The following IL1RAPL1 variants were observed in gnomAD, a reference collection of about 807,000 sequenced individuals.
IL1RAPL1 encodes interleukin-1 receptor accessory protein-like 1.
A neutral mutation model predicts 48.4 loss-of-function variants in IL1RAPL1; 3 were observed. The ratio of observed to expected loss-of-function variants is 0.06; its 90% CI spans 0.03 to 0.16. The LOEUF is 0.16. IL1RAPL1 is among the 10% of genes least tolerant of loss of function. IL1RAPL1 has a pLI of 1.00. For synonymous variants in IL1RAPL1, 185 were observed against 187.7 expected (o/e 0.99, Z 0.12); for missense variants, 349 against 530.6 (o/e 0.66, Z 3.36).
intron 2 of IL1RAPL1, among the ~76,000 whole-genome samples, chrX:29,247,942 A>G (rs1931544347): frequency 8.9e-6 from 1 of 111,801 alleles, no homozygotes; most frequent in Non-Finnish European, 1.9e-5. Context: ...CATTTTAGAC[A>G]TTTAGTGGAA....
chrX:29,630,542 T>C (rs750547056), intron 5 of IL1RAPL1, among the ~76,000 whole-genome samples: 4 of 48,474 alleles, frequency 8.3e-5, no homozygotes, highest in Admixed American at 4.6e-4. Context: ...TTCTCCAGAC[T>C]TTTTTTTTTT....
chrX:29,925,827 A>G (rs1932885977), intron 8 of IL1RAPL1, among the ~76,000 whole-genome samples: 1 of 112,103 alleles, frequency 8.9e-6, no homozygotes, highest in Admixed American at 9.4e-5. Context: ...GGCATGAGCC[A>G]CTGTGCCCAA....
rs202144853 is a variant in IL1RAPL1, at chrX:29,060,188, TTTA to T, written c.83-222745_83-222743del. On this transcript the variant is annotated intron_variant, in intron 2 of 10. Transcript: ENST00000378993. ...TGAGTAGTTAAGAACCATTGTATAT[TTTA>T]TTATAGCTGTAATGTTTTGAGTTCA... Among the ~76,000 whole-genome samples, 280 of 111,988 alleles carry T rather than the reference TTTA, an allele frequency of 2.5e-3. 1 individual carries two copies. The highest frequency in any genetic ancestry group is 8.0e-3 in the African/African-American group (247 of 30,914).
At chrX:29,080,303 C>T (rs1927772482) in intron 2 of IL1RAPL1, among the ~76,000 whole-genome samples, 1 of 109,347 alleles carries the variant, frequency 9.1e-6, no homozygotes, top group African/African-American at 3.3e-5. Flanking sequence ...CACTTGAGCC[C>T]GGAAGATTGA....
chrX:29,407,498 A>T (rs550416737), intron 5 of IL1RAPL1, among the ~76,000 whole-genome samples: 2 of 112,054 alleles, frequency 1.8e-5, no homozygotes, highest in African/African-American at 6.5e-5. Context: ...ATATTCCATT[A>T]TATGAAAATC....
At chrX:29,372,100 A>G (rs186074547) in intron 3 of IL1RAPL1, among the ~76,000 whole-genome samples, 11 of 112,062 alleles carry the variant, frequency 9.8e-5, no homozygotes, top group African/African-American at 2.3e-4. Context: ...ATTTTTTGGC[A>G]TTTTAATAAC....
intron 2 of IL1RAPL1, among the ~76,000 whole-genome samples, chrX:28,959,314 G>A (rs1428540492): frequency 9.0e-6 from 1 of 111,071 alleles, no homozygotes; most frequent in Admixed American, 9.6e-5. Context: ...ATTTATAATG[G>A]TGCATGTGGC....
rs1399219653 is a variant in IL1RAPL1 at position 29,006,645 on chromosome X, A to ATGTG, written c.82+217221_82+217222insGTGT. 2.1e-3 allele frequency among the ~76,000 whole-genome samples: 167 copies of ATGTG among 80,059 alleles called. 1 individual carries two copies. Among genetic ancestry groups the ATGTG allele is most frequent in the African/African-American group, 7.3e-3 (148 of 20,291 alleles). The allele number at this position is 80,059 out of a possible 115,157, so 69.5% of individuals were successfully genotyped here. A position where few individuals can be genotyped will look rare whatever the true frequency, so the allele number is the denominator to read the frequency against. On this transcript the variant is annotated intron_variant, in intron 2 of 10. Transcript: ENST00000378993. ...TGCCCACATTTGTGTGTGTTTATAT[A>ATGTG]TATGTGTGTGTGTGTGTGTGTGTGT...
rs768498547 is a variant in IL1RAPL1 at position 29,898,457 on chromosome X, C to G, written c.779-19007C>G. On this transcript the variant is annotated intron_variant, in intron 6 of 10. Transcript: ENST00000378993. The stretch of plus-strand genomic sequence containing the variant: ...GAGGAATTCCAACAGTTAGTTAGCA[C>G]CAAGGAGTTAACGATATGAAACATC... Among the ~76,000 whole-genome samples the G allele has an allele frequency of 3.6e-5, 4 of 111,928 alleles. No individual in the cohort carries two copies. The South Asian group carries it at 1.5e-3, about 42-fold the overall frequency.
chrX:29,799,628 A>G (rs1269003183), intron 6 of IL1RAPL1, among the ~76,000 whole-genome samples: 9 of 112,189 alleles, frequency 8.0e-5, no homozygotes, highest in South Asian at 3.7e-4. Flanking sequence ...GAATATTACA[A>G]TTTTACTTCC....
At chrX:28,898,070 C>T (rs902034484) in intron 2 of IL1RAPL1, among the ~76,000 whole-genome samples, 7 of 111,613 alleles carry the variant, frequency 6.3e-5, no homozygotes, top group South Asian at 3.8e-4. Flanking sequence ...ATTTACATTT[C>T]ACTTCTTTTG....
At chrX:29,303,176 G>T (rs1039619357) in intron 3 of IL1RAPL1, among the ~76,000 whole-genome samples, 1 of 111,807 alleles carries the variant, frequency 8.9e-6, no homozygotes, top group Non-Finnish European at 1.9e-5. Flanking sequence ...CCTTCATACG[G>T]TAGACGTTTG....
chrX:29,498,575 G>T (rs1289673646), intron 5 of IL1RAPL1, among the ~76,000 whole-genome samples: 25 of 106,437 alleles, frequency 2.3e-4, no homozygotes, highest in African/African-American at 7.1e-4. Context: ...TTAAATTGTG[G>T]TTTTTTCTTT....
At chrX:28,853,493 G>GCGCA (rs1210583677) in intron 2 of IL1RAPL1, among the ~76,000 whole-genome samples, 188 of 107,090 alleles carry the variant, frequency 1.8e-3, no homozygotes, top group East Asian at 4.2e-3. Flanking sequence ...GTGTGCGCGC[G>GCGCA]CACACACACA....
At chrX:29,233,458 C>CT (rs1931236854) in intron 2 of IL1RAPL1, among the ~76,000 whole-genome samples, 1 of 111,689 alleles carries the variant, frequency 9.0e-6, no homozygotes, top group East Asian at 2.8e-4. Flanking sequence ...TTTAATCTTT[C>CT]TTTTTTTCTT....
chrX:28,720,821 A>G (rs905493782), intron 1 of IL1RAPL1, among the ~76,000 whole-genome samples: 7 of 111,184 alleles, frequency 6.3e-5, no homozygotes, highest in Non-Finnish European at 1.3e-4. Flanking sequence ...TCATTGTTCA[A>G]TTCCCACCTA....
chrX:29,802,830 C>CATATATGT (rs1235897510), intron 6 of IL1RAPL1, among the ~76,000 whole-genome samples: 365 of 31,435 alleles, frequency 0.012, 43 homozygotes, highest in Middle Eastern at 0.021. Context: ...TATATGTATA[C>CATATATGT]ATATATGTAT....
At chrX:29,098,381 C>G (rs2147461609) in intron 2 of IL1RAPL1, among the ~76,000 whole-genome samples, 1 of 111,978 alleles carries the variant, frequency 8.9e-6, no homozygotes, top group Non-Finnish European at 1.9e-5. Context: ...ACATATTGAC[C>G]TCCATGGTTA....
At chrX:28,603,606 T>C (rs983413468) in intron 1 of IL1RAPL1, among the ~76,000 whole-genome samples, 1 of 112,030 alleles carries the variant, frequency 8.9e-6, no homozygotes, top group African/African-American at 3.2e-5. Context: ...CACATATCTT[T>C]GGTGCCCAGG....
Sources: gnomAD v4.1 joint callset for allele counts (sites outside exome capture counted in the v4.1 genomes callset) on GRCh38, gnomAD v4.1.1 for gene constraint, MANE v1.5 for transcripts, NCBI Gene and HGNC (gene_info 2026-07-23, HGNC 2026-07-21) for gene names.